Variants in HYAL4 observed in about 807,000 individuals in gnomAD.
HYAL4 encodes hyaluronidase-4.
In HYAL4, 37 loss-of-function variants were observed where a neutral mutation model predicts 35.2. The ratio of observed to expected loss-of-function variants is 1.05; its 90% confidence interval spans 0.81 to 1.38. HYAL4 has a LOEUF of 1.38. HYAL4 is among the 40% of genes most tolerant of loss of function. The probability of loss-of-function intolerance (pLI) is 0.00; values close to 1 mark genes in which losing one functional copy is unlikely to be tolerated. For missense variants in HYAL4, 572 were observed against 572.4 expected, an observed-to-expected ratio of 1.00 and a Z score of 0.01; for synonymous variants, 198 against 203.2, an observed-to-expected ratio of 0.97 and a Z score of 0.22.
At chr7:123,870,378 G>A (rs1223211824) in intron 3 of HYAL4, among the ~76,000 whole-genome samples, 1 of 152,190 alleles carries the variant, frequency 6.6e-6, no homozygotes, top group Non-Finnish European at 1.5e-5. Flanking sequence ...AAAAGTCTCT[G>A]TTGTGAACTT....
the HYAL4 span, among the ~76,000 whole-genome samples, chr7:123,807,499 AC>A: frequency 6.8e-6 from 1 of 146,568 alleles, no homozygotes; most frequent in African/African-American, 2.5e-5. Context: ...CAGTGGTGCA[AC>A]CTCTGCCTCA....
At chr7:123,819,593 C>T in the HYAL4 span, among the ~76,000 whole-genome samples, 1 of 152,064 alleles carries the variant, frequency 6.6e-6, no homozygotes, top group African/African-American at 2.4e-5. Flanking sequence ...CTACTCCATA[C>T]CAGCCATTGT....
chr7:123,829,631 A>G (rs759532996), intron 1 of HYAL4, among the ~76,000 whole-genome samples: 2 of 152,140 alleles, frequency 1.3e-5, no homozygotes, highest in Admixed American at 6.6e-5. Flanking sequence ...ATAAATAAGC[A>G]ATAAACAAGC....
chr7:123,840,312 T>G (rs533629989), upstream of HYAL4, among the ~76,000 whole-genome samples: 1 of 152,344 alleles, frequency 6.6e-6, no homozygotes, highest in Non-Finnish European at 1.5e-5. Context: ...TGTGGTGTTA[T>G]TTCTAGGGCC....
intron 2 of HYAL4, among the ~76,000 whole-genome samples, chr7:123,852,495 A>G (rs1806330393): frequency 6.6e-6 from 1 of 152,178 alleles, no homozygotes; most frequent in Non-Finnish European, 1.5e-5. Flanking sequence ...TTAAATAGGG[A>G]ATCCTTTTCC....
chr7:123,830,091 TC>T (rs1443478489), intron 1 of HYAL4, among the ~76,000 whole-genome samples: 1 of 152,192 alleles, frequency 6.6e-6, no homozygotes, highest in Non-Finnish European at 1.5e-5. Context: ...TAATTGGGGA[TC>T]CCTAAATATT....
intron 2 of HYAL4, among the ~76,000 whole-genome samples, chr7:123,852,705 G>T (rs546077843): frequency 7.9e-5 from 12 of 152,272 alleles, no homozygotes; most frequent in African/African-American, 2.4e-4. Flanking sequence ...GCTTAGGATT[G>T]TCTTGGCTAT....
At chr7:123,867,035 C>T (rs552348403) in intron 2 of HYAL4, among the ~76,000 whole-genome samples, 1 of 152,262 alleles carries the variant, frequency 6.6e-6, no homozygotes, top group African/African-American at 2.4e-5. Flanking sequence ...GTGACCATCT[C>T]GGCCTCACCA....
the HYAL4 span, among the ~76,000 whole-genome samples, chr7:123,780,388 C>A: frequency 0.34 from 51,040 of 151,954 alleles, 8,888 homozygotes; most frequent in Middle Eastern, 0.44. Flanking sequence ...GGGATAAAAA[C>A]GTATCCACTT....
At chr7:123,769,529 G>C in the HYAL4 span, among the ~76,000 whole-genome samples, 1 of 152,126 alleles carries the variant, frequency 6.6e-6, no homozygotes, top group Non-Finnish European at 1.5e-5. Context: ...CATTGTGTAT[G>C]AGCTGCCAAG....
chr7:123,832,650 C>A (rs2116907323), intron 1 of HYAL4, among the ~76,000 whole-genome samples: 1 of 151,872 alleles, frequency 6.6e-6, no homozygotes, highest in East Asian at 1.9e-4. Context: ...CAGGTGCCCA[C>A]CACCATGCCT....
At chr7:123,768,798 T>G in the HYAL4 span, among the ~76,000 whole-genome samples, 1 of 152,232 alleles carries the variant, frequency 6.6e-6, no homozygotes, top group African/African-American at 2.4e-5. Context: ...GAAAAGGAGC[T>G]GGTTCATTCT....
At chr7:123,766,421 C>T in the HYAL4 span, among the ~76,000 whole-genome samples, 1 of 151,968 alleles carries the variant, frequency 6.6e-6, no homozygotes, top group Admixed American at 6.6e-5. Context: ...TACGAGTTTT[C>T]AATGTAAATG....
At chr7:123,825,625 C>T (rs573985674), upstream of HYAL4, among the ~76,000 whole-genome samples, 1 of 151,780 alleles carries the variant, frequency 6.6e-6, no homozygotes, top group Admixed American at 6.6e-5. Flanking sequence ...GCTGACTATG[C>T]CCCAAGAATC....
At chr7:123,803,416 T>C in the HYAL4 span, among the ~76,000 whole-genome samples, 1 of 152,222 alleles carries the variant, frequency 6.6e-6, no homozygotes, top group Admixed American at 6.5e-5. Flanking sequence ...TATACTGATA[T>C]CTTTAATCAG....
At chr7:123,811,457 A>G in the HYAL4 span, among the ~76,000 whole-genome samples, 1 of 152,182 alleles carries the variant, frequency 6.6e-6, no homozygotes, top group Non-Finnish European at 1.5e-5. Flanking sequence ...AATGTTGAGC[A>G]TCTTTTCATA....
the HYAL4 span, among the ~76,000 whole-genome samples, chr7:123,783,998 A>G: frequency 6.7e-6 from 1 of 150,240 alleles, no homozygotes; most frequent in Non-Finnish European, 1.5e-5. Context: ...TATTTTAGCA[A>G]GAACTTCCTC....
the HYAL4 span, among the ~76,000 whole-genome samples, chr7:123,807,196 G>A: frequency 2.0e-5 from 3 of 152,132 alleles, no homozygotes; most frequent in South Asian, 6.2e-4. Context: ...TTTCTCATCA[G>A]AAATTTAAAA....
the HYAL4 span, among the ~76,000 whole-genome samples, chr7:123,798,804 C>T: frequency 6.6e-6 from 1 of 152,202 alleles, no homozygotes; most frequent in South Asian, 2.1e-4. Flanking sequence ...AAGGAAGTGG[C>T]ATATTTAGGA....
Sources: gnomAD v4.1 joint callset for allele counts (sites outside exome capture counted in the v4.1 genomes callset) on GRCh38, gnomAD v4.1.1 for gene constraint, MANE v1.5 for transcripts, NCBI Gene and HGNC (gene_info 2026-07-23, HGNC 2026-07-21) for gene names.